Variants in FARS2 observed in about 807,000 individuals in gnomAD.
FARS2 encodes the protein phenylalanine--tRNA ligase, mitochondrial.
Under a neutral mutation model 46.4 loss-of-function variants are expected in FARS2, and 40 were observed. The observed-to-expected ratio is 0.86, with a 90% confidence interval of 0.67 to 1.12. The LOEUF (loss-of-function observed/expected upper bound fraction) is 1.12, where lower values mean the gene tolerates loss of function less well. Ranked by LOEUF, FARS2 falls within the 50% of genes most tolerant of loss-of-function variation. FARS2 has a pLI of 0.00. For missense variants in FARS2, 513 were observed against 567.9 expected (o/e 0.90, Z 0.98); for synonymous variants, 234 against 214.9 (o/e 1.09, Z -0.78).
the FARS2 span, among the ~76,000 whole-genome samples, chr6:5,253,625 C>A: frequency 1.6e-4 from 24 of 152,166 alleles, no homozygotes; most frequent in Middle Eastern, 3.4e-3. Context: ...AGAAGTTTTG[C>A]AAAGGAGACG....
At chr6:5,597,508 G>A (rs1021520000) in intron 5 of FARS2, among the ~76,000 whole-genome samples, 4 of 152,196 alleles carry the variant, frequency 2.6e-5, no homozygotes, top group African/African-American at 9.7e-5. Flanking sequence ...TCTTTTCTCT[G>A]GTCTGATGTT....
chr6:5,482,908 C>T (rs1219955452), intron 4 of FARS2, among the ~76,000 whole-genome samples: 2 of 152,174 alleles, frequency 1.3e-5, no homozygotes, highest in East Asian at 1.9e-4. Context: ...GTTTCCTCCT[C>T]ATGACCCAGC....
At chr6:5,251,299 A>G in the FARS2 span, among the ~76,000 whole-genome samples, 6 of 152,206 alleles carry the variant, frequency 3.9e-5, no homozygotes, top group African/African-American at 1.4e-4. Context: ...ACAAAGTGAA[A>G]GGTGCTTGTT....
the FARS2 span, among the ~76,000 whole-genome samples, chr6:5,253,776 G>A: frequency 6.7e-6 from 1 of 150,306 alleles, no homozygotes; most frequent in African/African-American, 2.4e-5. Flanking sequence ...ATGGTCGTTC[G>A]ATCTGAAGCA....
chr6:5,653,479 G>A (rs1187284334), intron 6 of FARS2, among the ~76,000 whole-genome samples: 2 of 152,176 alleles, frequency 1.3e-5, no homozygotes, highest in Non-Finnish European at 2.9e-5. Flanking sequence ...GTATAATGAC[G>A]AGTAAAGCAG....
At chr6:5,271,086 T>G (rs1765910735) in intron 1 of FARS2, among the ~76,000 whole-genome samples, 1 of 152,222 alleles carries the variant, frequency 6.6e-6, no homozygotes, top group Non-Finnish European at 1.5e-5. Context: ...GTCTCCTGTG[T>G]CTTGAGGGTT....
chr6:5,360,442 C>G (rs1246521917), intron 1 of FARS2, among the ~76,000 whole-genome samples: 1 of 152,170 alleles, frequency 6.6e-6, no homozygotes, highest in Non-Finnish European at 1.5e-5. Flanking sequence ...TAATTACTGC[C>G]TGGGTCATTT....
At chr6:5,313,990 G>C (rs527356186) in intron 1 of FARS2, among the ~76,000 whole-genome samples, 1 of 152,136 alleles carries the variant, frequency 6.6e-6, no homozygotes, top group African/African-American at 2.4e-5. Context: ...AGATTACAAC[G>C]TATAGCAACA....
intron 4 of FARS2, among the ~76,000 whole-genome samples, chr6:5,455,039 AC>A (rs1214285817): frequency 1.3e-5 from 2 of 152,152 alleles, no homozygotes; most frequent in African/African-American, 2.4e-5. Flanking sequence ...GAGGACAAGG[AC>A]CTTGTTGGTC....
At chr6:5,458,946 GTAGT>G (rs1765074203) in intron 4 of FARS2, among the ~76,000 whole-genome samples, 1 of 152,322 alleles carries the variant, frequency 6.6e-6, no homozygotes, top group Admixed American at 6.5e-5. Flanking sequence ...GATGGTGGTA[GTAGT>G]TTTTATTCTT....
At chr6:5,715,455 TC>T (rs895383447) in intron 6 of FARS2, among the ~76,000 whole-genome samples, 7 of 152,266 alleles carry the variant, frequency 4.6e-5, no homozygotes, top group Admixed American at 3.9e-4. Context: ...CACCGCCCTT[TC>T]CCTGCCACTG....
chr6:5,361,539 T>G lies in FARS2; in HGVS notation c.-21-7011T>G, dbSNP rs545142366. On this transcript the variant is annotated intron_variant, in intron 1 of 6. Transcript: ENST00000274680. Reference sequence around the variant, plus strand: ...CACCCTCACGAGTAATGCAGGAAACTGCCTGCTTATAGCCCTTCTCTTTTT... The same window carrying G: ...CACCCTCACGAGTAATGCAGGAAACGGCCTGCTTATAGCCCTTCTCTTTTT... 5.3e-5 allele frequency among the ~76,000 whole-genome samples: 8 copies of G among 152,358 alleles called. 1 individual carries two copies. In the South Asian group the frequency reaches 1.7e-3, roughly 32 times the overall value.
At chr6:5,739,630 C>G (rs1026085425) in intron 6 of FARS2, among the ~76,000 whole-genome samples, 2 of 152,198 alleles carry the variant, frequency 1.3e-5, no homozygotes, top group Non-Finnish European at 2.9e-5. Flanking sequence ...CTCAGGCTAG[C>G]AGCGATCACT....
chr6:5,468,426 T>A (rs918803054), intron 4 of FARS2, among the ~76,000 whole-genome samples: 4 of 152,158 alleles, frequency 2.6e-5, no homozygotes, highest in Non-Finnish European at 4.4e-5. Flanking sequence ...GACGGTGATG[T>A]TGTATCTTAT....
intron 6 of FARS2, among the ~76,000 whole-genome samples, chr6:5,751,416 C>T (rs1007337531): frequency 6.6e-6 from 1 of 152,198 alleles, no homozygotes; most frequent in Non-Finnish European, 1.5e-5. Context: ...GGGCAAAAAG[C>T]AAGCTTAAGA....
chr6:5,643,104 C>G (rs1053520437), intron 6 of FARS2, among the ~76,000 whole-genome samples: 1 of 152,156 alleles, frequency 6.6e-6, no homozygotes, highest in South Asian at 2.1e-4. Context: ...TATTTACTTA[C>G]GATTACTTAA....
At chr6:5,584,177 T>C (rs1417240288) in intron 5 of FARS2, among the ~76,000 whole-genome samples, 1 of 147,504 alleles carries the variant, frequency 6.8e-6, no homozygotes, top group Non-Finnish European at 1.5e-5. Context: ...CTGCGGGCCC[T>C]GAGTTCCTGC....
intron 4 of FARS2, among the ~76,000 whole-genome samples, chr6:5,521,254 C>T (rs1769118075): frequency 6.6e-6 from 1 of 151,810 alleles, no homozygotes; most frequent in African/African-American, 2.4e-5. Context: ...TGCTGCCAGG[C>T]AGTGGGAAAT....
At chr6:5,768,809 G>T (rs1158905711) in intron 6 of FARS2, among the ~76,000 whole-genome samples, 3 of 151,984 alleles carry the variant, frequency 2.0e-5, no homozygotes, top group Admixed American at 6.6e-5. Flanking sequence ...TGGTACATTT[G>T]TTTTACTATG....
Sources: allele counts gnomAD v4.1 joint callset (sites outside exome capture counted in the v4.1 genomes callset), GRCh38; gene constraint gnomAD v4.1.1; transcripts MANE v1.5; gene names NCBI Gene and HGNC (gene_info 2026-07-23, HGNC 2026-07-21).